The following THSD4 variants were observed in gnomAD, a reference collection of about 807,000 sequenced individuals.
THSD4 encodes thrombospondin type-1 domain-containing protein 4.
A neutral mutation model predicts 119.0 loss-of-function variants in THSD4; 69 were observed. The observed-to-expected ratio is 0.58, with a 90% CI of 0.48 to 0.71. The LOEUF (loss-of-function observed/expected upper bound fraction) is 0.71, where lower values mean the gene tolerates loss of function less well. Ranked by LOEUF, THSD4 falls within the 30% of genes least tolerant of loss-of-function variation. The pLI is 0.00. For missense variants in THSD4, 1,393 were observed against 1,391.1 expected (o/e 1.00, Z -0.02); for synonymous variants, 524 against 540.4 (o/e 0.97, Z 0.42).
At chr15:71,723,769 A>G (rs1215059670) in intron 8 of THSD4, among the ~76,000 whole-genome samples, 6 of 152,140 alleles carry the variant, frequency 3.9e-5, no homozygotes, top group South Asian at 4.1e-4. Flanking sequence ...AGAAATTGAC[A>G]TCTAAAGAAT....
At chr15:71,287,958 T>C (rs937142537) in intron 6 of THSD4, among the ~76,000 whole-genome samples, 1 of 152,042 alleles carries the variant, frequency 6.6e-6, no homozygotes, top group African/African-American at 2.4e-5. Context: ...TGAGAAGAAA[T>C]TGAGTCTTTT....
Position 71,585,355 on chromosome 15 carries a change from T to C in THSD4, c.1153-75175T>C, listed in dbSNP as rs2049644426. 3.3e-5 allele frequency among the ~76,000 whole-genome samples: 5 copies of C among 152,220 alleles called. No individual in the cohort carries two copies. The South Asian group carries it at 1.0e-3, about 32-fold the overall frequency. On this transcript the variant is annotated intron_variant, in intron 7 of 17. Transcript: ENST00000261862. The stretch of plus-strand genomic sequence containing the variant: ...TTTTAGCAGATATAGTATTCTTGGT[T>C]GACAGGGTTGGTTGTTTGTTCCTTT...
intron 3 of THSD4, chr15:71,184,124 C>G (rs1276723473): frequency 6.6e-6 from 1 of 151,758 alleles, no homozygotes; most frequent in African/African-American, 2.4e-5. Flanking sequence ...TTTGGAGGCA[C>G]AGGGTCATTC....
intron 8 of THSD4, among the ~76,000 whole-genome samples, chr15:71,691,271 C>T (rs2141051345): frequency 6.6e-6 from 1 of 152,330 alleles, no homozygotes; most frequent in Non-Finnish European, 1.5e-5. Flanking sequence ...AGACTTCTGA[C>T]CTCCAGAACT....
intron 8 of THSD4, among the ~76,000 whole-genome samples, chr15:71,678,311 G>T (rs1419986470): frequency 6.6e-6 from 1 of 152,228 alleles, no homozygotes; most frequent in Non-Finnish European, 1.5e-5. Flanking sequence ...TGAAAGAGAA[G>T]TGACTCCTGA....
At position 71,141,569 on chromosome 15, in the gene THSD4, A is replaced by T. The variant is rs774441634; in HGVS notation, c.29+13A>T. 1 of 1,604,506 alleles carries T rather than the reference A, an allele frequency of 6.2e-7. No homozygotes were observed. Among genetic ancestry groups the T allele is most frequent in the Non-Finnish European group, 8.5e-7 (1 of 1,176,302 alleles). ...TGGGGTCTCTCAGGTAAGTGAAGAA[A>T]CTTTTTTTAAAAAAACAGGAGAATA... On this transcript the variant is annotated intron_variant, in intron 2 of 17. Transcript: ENST00000261862.
At chr15:71,629,936 G>A (rs553470369) in intron 7 of THSD4, among the ~76,000 whole-genome samples, 27 of 152,206 alleles carry the variant, frequency 1.8e-4, no homozygotes, top group Middle Eastern at 3.4e-3. Flanking sequence ...CTTTGTACCC[G>A]CAAGCCACGT....
chr15:71,745,177 T>C lies in THSD4; in HGVS notation c.1978T>C (p.Ser660Pro). 6.2e-7 allele frequency: 1 copy of C among 1,613,030 alleles called. No individual in the cohort carries two copies. Among genetic ancestry groups the C allele is most frequent in the South Asian group, 1.1e-5 (1 of 91,018 alleles). The change falls in exon 12 of 18, where the codon TCC becomes CCC. Residue 660 changes from serine (S) to proline (P), a missense_variant. Transcript: ENST00000261862. ...HEEAPESYCD[S>P]SMKPTPEEEP... ...AGAGGCTCCTGAGAGTTACTGTGAC[T>C]CCAGCATGAAGCCGACCCCCGAGGA...
chr15:71,696,646 A>G (rs770592968), intron 8 of THSD4, among the ~76,000 whole-genome samples: 6 of 152,208 alleles, frequency 3.9e-5, no homozygotes, highest in Non-Finnish European at 7.3e-5. Flanking sequence ...AATGATATAG[A>G]TCAAAAAAGG....
intron 7 of THSD4, among the ~76,000 whole-genome samples, chr15:71,447,984 T>C (rs904287848): frequency 4.6e-5 from 7 of 152,328 alleles, no homozygotes; most frequent in African/African-American, 1.7e-4. Context: ...TTTCCTCTGG[T>C]AAACAGTAGC....
At chr15:71,232,023 A>G (rs962284625) in intron 4 of THSD4, among the ~76,000 whole-genome samples, 5 of 152,100 alleles carry the variant, frequency 3.3e-5, no homozygotes, top group Admixed American at 2.0e-4. Flanking sequence ...CTCTCTTTCC[A>G]GCTCGAGGCT....
intron 7 of THSD4, among the ~76,000 whole-genome samples, chr15:71,579,989 A>T (rs1237387520): frequency 6.6e-6 from 1 of 152,132 alleles, no homozygotes; most frequent in Non-Finnish European, 1.5e-5. Context: ...ACAGGATGCA[A>T]ATTACACTGT....
In THSD4 at chr15:71,771,119, A is replaced by G. The variant is rs773783093; in HGVS notation, c.2825A>G (p.Asp942Gly). 20 of 1,614,062 alleles carry G rather than the reference A, an allele frequency of 1.2e-5. No individual in the cohort carries two copies. In the South Asian group the frequency reaches 1.3e-4, roughly 11 times the overall value. The change falls in exon 17 of 18, where the codon GAT becomes GGT. Residue 942 changes from aspartate to glycine, a missense_variant. Coordinates refer to ENST00000261862, the MANE Select transcript of THSD4 (RefSeq NM_024817.3). ...GTCCGGGAAGTGCGGTGTCTGTCTG[A>G]TGACATGACTCTAAGTAACCTCTGT... ...FRVREVRCLS[D>G]DMTLSNLCDP...
chr15:71,194,016 T>G (rs1344778280), intron 3 of THSD4, among the ~76,000 whole-genome samples: 1 of 152,176 alleles, frequency 6.6e-6, no homozygotes, highest in African/African-American at 2.4e-5. Flanking sequence ...CGGCCTGAGA[T>G]CTGATGGTTT....
intron 7 of THSD4, among the ~76,000 whole-genome samples, chr15:71,562,240 A>G (rs2049135144): frequency 6.6e-6 from 1 of 152,208 alleles, no homozygotes; most frequent in Non-Finnish European, 1.5e-5. Context: ...AATCAGATAC[A>G]GTTTAAACCA....
intron 7 of THSD4, among the ~76,000 whole-genome samples, chr15:71,451,587 T>G (rs1405405622): frequency 6.6e-6 from 1 of 152,156 alleles, no homozygotes; most frequent in African/African-American, 2.4e-5. Flanking sequence ...TGGACATGAT[T>G]TGCATTAACA....
At chr15:71,305,046 C>T (rs1201491210) in intron 6 of THSD4, among the ~76,000 whole-genome samples, 2 of 152,220 alleles carry the variant, frequency 1.3e-5, no homozygotes, top group African/African-American at 4.8e-5. Flanking sequence ...CTTTTCACCT[C>T]TTTCCCTGGT....
chr15:71,494,337 C>G (rs1192523528), intron 7 of THSD4, among the ~76,000 whole-genome samples: 1 of 151,984 alleles, frequency 6.6e-6, no homozygotes, highest in Non-Finnish European at 1.5e-5. Flanking sequence ...TTTCTAACCC[C>G]CCTTCCAAGT....
chr15:71,557,258 CTG>C (rs1567035396), intron 7 of THSD4, among the ~76,000 whole-genome samples: 2 of 152,148 alleles, frequency 1.3e-5, no homozygotes, highest in Admixed American at 1.3e-4. Flanking sequence ...CTTTTTTAAT[CTG>C]TCAGTGTGAT....
Sources: gnomAD v4.1 joint callset for allele counts (sites outside exome capture counted in the v4.1 genomes callset) on GRCh38, gnomAD v4.1.1 for gene constraint, MANE v1.5 for transcripts, NCBI Gene and HGNC (gene_info 2026-07-23, HGNC 2026-07-21) for gene names.